Variants in FHOD3 observed in about 807,000 individuals in gnomAD.
FHOD3 encodes FH1/FH2 domain-containing protein 3.
Under a neutral mutation model 173.0 loss-of-function variants are expected in FHOD3, and 90 were observed. The observed-to-expected ratio is 0.52, with a 90% confidence interval of 0.44 to 0.62. FHOD3 has a LOEUF of 0.62. Among genes scored for constraint, FHOD3 ranks in the 20% least tolerant of loss-of-function variants. The pLI is 0.00. For missense variants in FHOD3, 1,945 were observed against 2,034.7 expected (o/e 0.96, Z 0.85); for synonymous variants, 828 against 823.0 (o/e 1.01, Z -0.10).
At chr18:36,553,425 T>C (rs1400383721) in intron 5 of FHOD3, among the ~76,000 whole-genome samples, 1 of 152,240 alleles carries the variant, frequency 6.6e-6, no homozygotes, top group East Asian at 1.9e-4. Context: ...TGTGGTAGAA[T>C]TCGGCTGTGA....
Position 36,518,191 on chromosome 18 carries a change from G to A in FHOD3, c.511+5648G>A, listed in dbSNP as rs2056092372. 2.6e-5 allele frequency among the ~76,000 whole-genome samples: 4 copies of A among 152,292 alleles called. No individual in the cohort carries two copies. In the South Asian group the frequency reaches 8.3e-4, roughly 32 times the overall value. On this transcript the variant is annotated intron_variant, in intron 5 of 28. Coordinates refer to ENST00000590592, the MANE Select transcript of FHOD3 (RefSeq NM_001281740.3). ...CCAAGGTGAGGAAATGGGAGCAAAG[G>A]GGAAGAATTTCTTGCTTCCTGAACT...
At chr18:36,315,733 G>A (rs886542850) in intron 1 of FHOD3, among the ~76,000 whole-genome samples, 2 of 152,202 alleles carry the variant, frequency 1.3e-5, no homozygotes, top group Admixed American at 6.5e-5. Context: ...CTTGCACCAG[G>A]CTGGGGGAGA....
chr18:36,444,466 A>G (rs1042206508), intron 3 of FHOD3, among the ~76,000 whole-genome samples: 1 of 152,174 alleles, frequency 6.6e-6, no homozygotes, highest in South Asian at 2.1e-4. Context: ...AATCAGAATT[A>G]CACAAAGAGG....
chr18:36,490,812 G>C (rs1322048893), intron 3 of FHOD3, among the ~76,000 whole-genome samples: 1 of 152,204 alleles, frequency 6.6e-6, no homozygotes, highest in Non-Finnish European at 1.5e-5. Context: ...AAGAAGGAAA[G>C]ACAGGAGGAG....
chr18:36,508,998 T>C (rs753079359), intron 4 of FHOD3, among the ~76,000 whole-genome samples: 1 of 152,118 alleles, frequency 6.6e-6, no homozygotes, highest in Non-Finnish European at 1.5e-5. Flanking sequence ...AAAAATCACC[T>C]CTGGATCTAC....
At chr18:36,318,155 C>T (rs566564167) in intron 1 of FHOD3, among the ~76,000 whole-genome samples, 23 of 152,202 alleles carry the variant, frequency 1.5e-4, no homozygotes, top group South Asian at 1.0e-3. Flanking sequence ...AGTCAGGTAG[C>T]GTGATGCCTC....
At chr18:36,730,485 C>G (rs1239661093) in intron 19 of FHOD3, among the ~76,000 whole-genome samples, 161 bp from the exon 20 acceptor site, 1 of 152,146 alleles carries the variant, frequency 6.6e-6, no homozygotes, top group East Asian at 1.9e-4. Context: ...CAGAACTAAT[C>G]CCTGATACTT....
Position 36,377,843 on chromosome 18 carries a change from C to G in FHOD3, c.337+5099C>G, listed in dbSNP as rs113029699. 9.1e-3 allele frequency among the ~76,000 whole-genome samples: 1,381 copies of G among 152,318 alleles called. 21 individuals carry two copies. The highest frequency in any genetic ancestry group is 0.032 in the African/African-American group (1,321 of 41,586). Reference sequence around the variant, plus strand: ...CTGTTCCCCTCTTAGCCCACCTGCCCTGCTTTCATTGACTCCAGGCCCTGG... The same window carrying G: ...CTGTTCCCCTCTTAGCCCACCTGCCGTGCTTTCATTGACTCCAGGCCCTGG... On this transcript the variant is annotated intron_variant, in intron 3 of 28. Transcript: ENST00000590592.
chr18:36,504,394 A>G (rs1219624300), intron 4 of FHOD3, among the ~76,000 whole-genome samples: 1 of 152,176 alleles, frequency 6.6e-6, no homozygotes, highest in Non-Finnish European at 1.5e-5. Context: ...CATATACACC[A>G]TGGAATACTA....
At chr18:36,479,170 A>G (rs1045185740) in intron 3 of FHOD3, among the ~76,000 whole-genome samples, 3 of 152,216 alleles carry the variant, frequency 2.0e-5, no homozygotes, top group African/African-American at 7.2e-5. Context: ...TTTTACAGAG[A>G]TGGGAATGAG....
At chr18:36,711,573 A>G (rs1449888792) in intron 18 of FHOD3, 2 of 152,220 alleles carry the variant, frequency 1.3e-5, no homozygotes, top group Non-Finnish European at 2.9e-5. Context: ...GCAGGGTCTC[A>G]CAAAACAATC....
intron 14 of FHOD3, 91 bp from the exon 15 acceptor site, chr18:36,681,345 C>A: frequency 6.7e-7 from 1 of 1,500,838 alleles, no homozygotes; most frequent in Non-Finnish European, 9.1e-7. Context: ...ACCGGCAGAC[C>A]CTCAATTCTA....
chr18:36,743,458 G>A (rs1418739169), intron 22 of FHOD3, among the ~76,000 whole-genome samples: 5 of 151,804 alleles, frequency 3.3e-5, no homozygotes, highest in Admixed American at 2.6e-4. Flanking sequence ...ACTTCCTTCT[G>A]CCCCATTTTT....
intron 3 of FHOD3, among the ~76,000 whole-genome samples, chr18:36,375,171 G>A (rs887023661): frequency 6.6e-6 from 1 of 152,180 alleles, no homozygotes; most frequent in Non-Finnish European, 1.5e-5. Flanking sequence ...TGTTAGATGA[G>A]ATTTCTTATG....
intron 3 of FHOD3, among the ~76,000 whole-genome samples, chr18:36,381,270 G>A (rs1373381053): frequency 2.0e-5 from 3 of 152,212 alleles, no homozygotes; most frequent in Non-Finnish European, 2.9e-5. Context: ...TAAGTCAGCT[G>A]AGAAAAATGG....
intron 13 of FHOD3, among the ~76,000 whole-genome samples, chr18:36,655,204 A>G (rs991781494): frequency 1.3e-5 from 2 of 152,166 alleles, no homozygotes; most frequent in Admixed American, 6.5e-5. Flanking sequence ...AATGAATCCA[A>G]CATGACTCTT....
intron 16 of FHOD3, among the ~76,000 whole-genome samples, chr18:36,689,539 G>T (rs2038831129): frequency 6.6e-6 from 1 of 152,212 alleles, no homozygotes; most frequent in African/African-American, 2.4e-5. Context: ...CAGACCAGGA[G>T]TAAGTTTCTG....
intron 3 of FHOD3, among the ~76,000 whole-genome samples, chr18:36,466,688 C>A (rs1288436185): frequency 6.6e-6 from 1 of 152,032 alleles, no homozygotes; most frequent in East Asian, 1.9e-4. Flanking sequence ...TCTCCAGGCC[C>A]CTCAGGAAGA....
chr18:36,496,610 T>C lies in FHOD3; in HGVS notation c.338-5322T>C, dbSNP rs138494229. 3.1e-3 allele frequency among the ~76,000 whole-genome samples: 475 copies of C among 152,316 alleles called. 3 individuals are homozygous for C. The highest frequency in any genetic ancestry group is 0.011 in the African/African-American group (455 of 41,576). ...AGTATTGTTCTTTGTAGAGAGAGAA[T>C]GTATTATGGAATTGTCTTTCCAAAG... On this transcript the variant is annotated intron_variant, in intron 3 of 28. Transcript: ENST00000590592.
Sources: gnomAD v4.1 joint callset for allele counts (sites outside exome capture counted in the v4.1 genomes callset) on GRCh38, gnomAD v4.1.1 for gene constraint, MANE v1.5 for transcripts, NCBI Gene and HGNC (gene_info 2026-07-23, HGNC 2026-07-21) for gene names.